Variants in SNTA1 observed in about 807,000 individuals in gnomAD.
SNTA1 encodes alpha-1-syntrophin.
In SNTA1, 31 loss-of-function variants were observed where a neutral mutation model predicts 47.1. The ratio of observed to expected loss-of-function variants is 0.66; its 90% CI spans 0.49 to 0.89. SNTA1 has a LOEUF of 0.89. SNTA1 is among the 40% of genes least tolerant of loss of function. The probability of loss-of-function intolerance (pLI) is 0.00; values close to 1 mark genes in which losing one functional copy is unlikely to be tolerated. For missense variants in SNTA1, 575 were observed against 693.0 expected (o/e 0.83, Z 1.91); for synonymous variants, 300 against 313.6 (o/e 0.96, Z 0.46).
chr20:33,408,425 G>T lies in SNTA1; in HGVS notation c.*82C>A. 1 of 989,170 alleles carries T rather than the reference G, an allele frequency of 1.0e-6. No homozygotes were observed. Among genetic ancestry groups the T allele is most frequent in the South Asian group, 1.3e-5 (1 of 75,680 alleles). 61.3% of individuals were successfully genotyped at this position (989,170 alleles called of 1,614,324 possible). A position where few individuals can be genotyped will look rare whatever the true frequency, so the allele number is the denominator to read the frequency against. On this transcript the variant is annotated 3_prime_UTR_variant, in exon 8 of 8. Transcript: ENST00000217381. ...CTCTCCTCTCCCTTCCCTCAGCCCA[G>T]GGGTGAGCAGGCAGTCGGTGGAGGC...
At chr20:33,431,825 T>A (rs1362977353) in intron 2 of SNTA1, among the ~76,000 whole-genome samples, 1 of 152,126 alleles carries the variant, frequency 6.6e-6, no homozygotes, top group Non-Finnish European at 1.5e-5. Context: ...GGATGCTCAA[T>A]AAGCAGCAGA....
chr20:33,414,732 A>G (rs902920128), intron 3 of SNTA1, among the ~76,000 whole-genome samples: 1 of 152,180 alleles, frequency 6.6e-6, no homozygotes, highest in Non-Finnish European at 1.5e-5. Flanking sequence ...TATGAACACA[A>G]TTCTTGGGAT....
intron 2 of SNTA1, among the ~76,000 whole-genome samples, chr20:33,431,603 G>T (rs982408051): frequency 2.0e-5 from 3 of 152,024 alleles, no homozygotes; most frequent in African/African-American, 7.2e-5. Context: ...CAAAAAATTA[G>T]CCAGGCATGG....
intron 3 of SNTA1, among the ~76,000 whole-genome samples, chr20:33,415,921 C>T (rs1234857839): frequency 6.6e-6 from 1 of 151,998 alleles, no homozygotes; most frequent in Non-Finnish European, 1.5e-5. Flanking sequence ...CCAGCCTGAC[C>T]AACATGGTGA....
In SNTA1 at chr20:33,408,470, GGACAC is replaced by G; in HGVS notation, c.*32_*36del. 1 of 1,452,730 alleles carries G rather than the reference GGACAC, an allele frequency of 6.9e-7. No homozygotes were observed. Among genetic ancestry groups the G allele is most frequent in the African/African-American group, 1.4e-5 (1 of 71,732 alleles). 90.0% of individuals were successfully genotyped at this position (1,452,730 alleles called of 1,614,324 possible). A position where few individuals can be genotyped will look rare whatever the true frequency, so the allele number is the denominator to read the frequency against. ...GGAGGCCCAGCTCAGGCCATGTCAT[GGACAC>G]CCCTCTTCAGGGCTAGTGCATCCGG... On this transcript the variant is annotated 3_prime_UTR_variant, in exon 8 of 8. Transcript: ENST00000217381.
At position 33,412,795 on chromosome 20, in the gene SNTA1, A is replaced by T; in HGVS notation, c.702-13T>A. The T allele has an allele frequency of 1.9e-6, 3 of 1,582,000 alleles. No homozygotes were observed. The highest frequency in any genetic ancestry group is 2.6e-6 in the Non-Finnish European group (3 of 1,159,994). On this transcript the variant is annotated splice_polypyrimidine_tract_variant and intron_variant, in intron 3 of 7. Coordinates refer to ENST00000217381, the MANE Select transcript of SNTA1 (RefSeq NM_003098.3). Reference sequence around the variant, plus strand: ...GATCTCCAGATACCTGCAGGCACAAATGGGTGGAGACAAGGACCTGACCAT... The same window carrying T: ...GATCTCCAGATACCTGCAGGCACAATTGGGTGGAGACAAGGACCTGACCAT...
At chr20:33,430,424 GA>G (rs1389148072) in intron 2 of SNTA1, among the ~76,000 whole-genome samples, 2 of 151,194 alleles carry the variant, frequency 1.3e-5, no homozygotes, top group African/African-American at 4.9e-5. Context: ...GAGTAGCTGG[GA>G]CTACAGGCAC....
chr20:33,439,867 C>T (rs1990537325), intron 1 of SNTA1, among the ~76,000 whole-genome samples: 1 of 152,100 alleles, frequency 6.6e-6, no homozygotes, highest in Non-Finnish European at 1.5e-5. Context: ...TGCCTGTAAT[C>T]CCAGCACTTT....
chr20:33,443,305 G>T lies in SNTA1; in HGVS notation c.310+6C>A. ...CGACCCCGCGCCCTCGGTGTCCCGC[G>T]CCCACCTTTGATGCTGATGCCCAGC... On this transcript the variant is annotated splice_donor_region_variant and intron_variant, in intron 1 of 7. Transcript: ENST00000217381. 1 of 1,508,552 alleles carries T rather than the reference G, an allele frequency of 6.6e-7. No homozygotes were observed. 93.4% of individuals were successfully genotyped at this position (1,508,552 alleles called of 1,614,324 possible). A position where few individuals can be genotyped will look rare whatever the true frequency, so the allele number is the denominator to read the frequency against.
rs1989645760 is a variant in SNTA1 at position 33,408,355 on chromosome 20, C to T, written c.*152G>A. 2.9e-6 allele frequency: 2 copies of T among 696,684 alleles called. No homozygotes were observed. The highest frequency in any genetic ancestry group is 3.5e-5 in the African/African-American group (2 of 56,928). 43.2% of individuals were successfully genotyped at this position (696,684 alleles called of 1,614,324 possible). A position where few individuals can be genotyped will look rare whatever the true frequency, so the allele number is the denominator to read the frequency against. ...TGCGTCTGGGTCCTGGGCCCCAAGA[C>T]CAATCCAGTCTCCCTCAGGGTTGGG... On this transcript the variant is annotated 3_prime_UTR_variant, in exon 8 of 8. Coordinates refer to ENST00000217381, the MANE Select transcript of SNTA1 (RefSeq NM_003098.3).
Position 33,412,584 on chromosome 20 carries a change from TAGCC to T in SNTA1, c.896_899del (p.Trp299Ter), listed in dbSNP as rs761957746. Reference sequence around the variant, plus strand: ...CAGGCCCAGCAGGTACCTGCTCAGTTAGCCAGCCAATCTGCTTGATGTCCTGGCT... The same window carrying T: ...CAGGCCCAGCAGGTACCTGCTCAGTTAGCCAATCTGCTTGATGTCCTGGCT... On this transcript the variant is annotated frameshift_variant, in exon 4 of 8. Transcript: ENST00000217381. LOFTEE classifies it high-confidence loss of function. 27 of 1,613,068 alleles carry T rather than the reference TAGCC, an allele frequency of 1.7e-5. No individual in the cohort carries two copies. Among genetic ancestry groups the T allele is most frequent in the Non-Finnish European group, 2.1e-5 (25 of 1,179,844 alleles).
intron 2 of SNTA1, among the ~76,000 whole-genome samples, chr20:33,427,630 G>A (rs995805208): frequency 1.3e-5 from 2 of 152,124 alleles, no homozygotes; most frequent in South Asian, 2.1e-4. Context: ...CCAAAAGCAT[G>A]TGACCCTTTT....
rs146012566 is a variant in SNTA1, at chr20:33,422,634, C to G, written c.497-4711G>C. Among the ~76,000 whole-genome samples the G allele has an allele frequency of 6.8e-3, 1,041 of 152,104 alleles. 13 individuals carry two copies. The highest frequency in any genetic ancestry group is 0.024 in the African/African-American group (993 of 41,504). Reference sequence around the variant, plus strand: ...CTCTACCAAAAATACAAAAAACTAGCTGGGCATGGTGGTGTGCATCTGTAG... The same window carrying G: ...CTCTACCAAAAATACAAAAAACTAGGTGGGCATGGTGGTGTGCATCTGTAG... On this transcript the variant is annotated intron_variant, in intron 2 of 7. Transcript: ENST00000217381.
chr20:33,416,018 G>C (rs1776756106), intron 3 of SNTA1, among the ~76,000 whole-genome samples: 1 of 152,038 alleles, frequency 6.6e-6, no homozygotes, highest in Non-Finnish European at 1.5e-5. Flanking sequence ...TGAGGCAGGA[G>C]AATCGCTTGA....
intron 1 of SNTA1, among the ~76,000 whole-genome samples, chr20:33,439,994 G>A (rs528837629): frequency 3.3e-5 from 5 of 152,038 alleles, no homozygotes; most frequent in East Asian, 1.9e-4. Flanking sequence ...GCGTGGTAGC[G>A]GATGCCTGTA....
chr20:33,424,330 A>G, intron 2 of SNTA1, among the ~76,000 whole-genome samples: 1 of 151,720 alleles, frequency 6.6e-6, no homozygotes, highest in South Asian at 2.1e-4. Flanking sequence ...AAAAAAAAGA[A>G]AGAAAGAAAA....
intron 1 of SNTA1, among the ~76,000 whole-genome samples, chr20:33,439,452 A>G (rs1362552994): frequency 1.3e-5 from 2 of 152,192 alleles, no homozygotes; most frequent in African/African-American, 4.8e-5. Context: ...AGATTGTGCC[A>G]CTGCACTCCA....
At position 33,443,754 on chromosome 20, in the gene SNTA1, G is replaced by T. The variant is rs1340052297; in HGVS notation, c.-134C>A. On this transcript the variant is annotated 5_prime_UTR_variant, in exon 1 of 8. Coordinates refer to ENST00000217381, the MANE Select transcript of SNTA1 (RefSeq NM_003098.3). ...CGCCACCCTACCCCGGCCGCTGGGG[G>T]AGGAGCTCTGGGGGCGGGGCTACCC... 7 of 420,216 alleles carry T rather than the reference G, an allele frequency of 1.7e-5. No homozygotes were observed. 26.0% of individuals were successfully genotyped at this position (420,216 alleles called of 1,614,324 possible).
chr20:33,429,041 A>G (rs527611374), intron 2 of SNTA1, among the ~76,000 whole-genome samples: 2 of 151,290 alleles, frequency 1.3e-5, no homozygotes, highest in East Asian at 3.9e-4. Context: ...ACTCGGTCTC[A>G]AAAAAAACAA....
Sources: gnomAD v4.1 joint callset for allele counts (sites outside exome capture counted in the v4.1 genomes callset) on GRCh38, gnomAD v4.1.1 for gene constraint, MANE v1.5 for transcripts, NCBI Gene and HGNC (gene_info 2026-07-23, HGNC 2026-07-21) for gene names.